Variants in MYO5A observed in about 807,000 individuals in gnomAD.
The protein encoded by MYO5A is unconventional myosin-Va.
A neutral mutation model predicts 249.7 loss-of-function variants in MYO5A; 98 were observed. The ratio of observed to expected loss-of-function variants is 0.39; its 90% CI spans 0.33 to 0.46. The LOEUF (loss-of-function observed/expected upper bound fraction) is 0.46, where lower values mean the gene tolerates loss of function less well. Ranked by LOEUF, MYO5A falls within the 20% of genes least tolerant of loss-of-function variation. The pLI is 0.98. For missense variants in MYO5A, 1,696 were observed against 2,308.8 expected (o/e 0.73, Z 5.44); for synonymous variants, 778 against 810.6 (o/e 0.96, Z 0.68).
chr15:52,406,475 T>C (rs960002033), intron 8 of MYO5A, among the ~76,000 whole-genome samples: 1 of 152,202 alleles, frequency 6.6e-6, no homozygotes, highest in Non-Finnish European at 1.5e-5. Flanking sequence ...AAATGCAGAT[T>C]ATGTTTCAGT....
At chr15:52,473,454 C>T (rs184560241) in intron 1 of MYO5A, among the ~76,000 whole-genome samples, 15 of 152,286 alleles carry the variant, frequency 9.8e-5, no homozygotes, top group African/African-American at 2.4e-4. Context: ...GTGTTTTAGA[C>T]GTGAAGTCCT....
chr15:52,340,509 C>A (rs2039327784), intron 31 of MYO5A, 115 bp from the exon 32 acceptor site: 1 of 874,434 alleles, frequency 1.1e-6, no homozygotes. Context: ...TCTTTAGTAT[C>A]TGTGTTATCT....
intron 9 of MYO5A, among the ~76,000 whole-genome samples, chr15:52,402,920 T>C (rs2042826711): frequency 6.6e-6 from 1 of 152,060 alleles, no homozygotes; most frequent in African/African-American, 2.4e-5. Context: ...CTACCCCAAA[T>C]AGTGAAATTG....
chr15:52,490,879 T>A (rs559846959), intron 1 of MYO5A, among the ~76,000 whole-genome samples: 1 of 152,086 alleles, frequency 6.6e-6, no homozygotes, highest in East Asian at 1.9e-4. Flanking sequence ...AGCCACCACA[T>A]CCAGCTAATT....
chr15:52,409,715 C>T (rs1198948328), intron 6 of MYO5A, among the ~76,000 whole-genome samples: 1 of 152,118 alleles, frequency 6.6e-6, no homozygotes, highest in Non-Finnish European at 1.5e-5. Context: ...GTGATAAACC[C>T]ATACCTATAA....
chr15:52,448,003 G>T (rs993871447), intron 1 of MYO5A, among the ~76,000 whole-genome samples: 3 of 152,216 alleles, frequency 2.0e-5, no homozygotes, highest in African/African-American at 7.2e-5. Context: ...AGGGAAATGT[G>T]GGGTTGGGGC....
intron 1 of MYO5A, among the ~76,000 whole-genome samples, chr15:52,442,701 G>C (rs1050236057): frequency 5.3e-5 from 8 of 151,956 alleles, no homozygotes; most frequent in Non-Finnish European, 1.2e-4. Context: ...GTCTACTCTA[G>C]GAGCCATACA....
intron 35 of MYO5A, among the ~76,000 whole-genome samples, chr15:52,329,930 T>G (rs1416755565): frequency 9.0e-6 from 1 of 110,760 alleles, no homozygotes; most frequent in Non-Finnish European, 1.8e-5. Context: ...TTTTTTTTTT[T>G]TGGAGAGATG....
chr15:52,431,448 T>C (rs2075534758), intron 2 of MYO5A, among the ~76,000 whole-genome samples: 1 of 151,924 alleles, frequency 6.6e-6, no homozygotes, highest in Non-Finnish European at 1.5e-5. Context: ...TATAGATGGT[T>C]GAGTATACAT....
At chr15:52,456,112 A>C (rs935893327) in intron 1 of MYO5A, among the ~76,000 whole-genome samples, 3 of 152,160 alleles carry the variant, frequency 2.0e-5, no homozygotes, top group African/African-American at 7.2e-5. Context: ...GAATCTAGTA[A>C]AATTGCAGGA....
intron 9 of MYO5A, among the ~76,000 whole-genome samples, chr15:52,404,851 G>C (rs1325204894): frequency 6.6e-6 from 1 of 152,134 alleles, no homozygotes; most frequent in Non-Finnish European, 1.5e-5. Flanking sequence ...AGTCATGAAG[G>C]CCCTTTCATG....
At chr15:52,322,198 C>G (rs1253097270) in intron 37 of MYO5A, among the ~76,000 whole-genome samples, 3 of 152,236 alleles carry the variant, frequency 2.0e-5, no homozygotes, top group Non-Finnish European at 4.4e-5. Context: ...GCCTCCTTAC[C>G]ACCTACTTAA....
chr15:52,442,573 C>A (rs865993419), intron 1 of MYO5A, among the ~76,000 whole-genome samples: 3 of 151,996 alleles, frequency 2.0e-5, no homozygotes, highest in African/African-American at 7.3e-5. Context: ...CCAGTAGAGG[C>A]CCAGGTATTT....
At chr15:52,372,471 AAAGTTGAATTGAC>A in intron 20 of MYO5A, 108 bp from the exon 21 acceptor site, 1 of 1,431,464 alleles carries the variant, frequency 7.0e-7, no homozygotes, top group Non-Finnish European at 9.5e-7. Flanking sequence ...AAAAGACATA[AAAGTTGAATTGAC>A]AATGTACTAT....
chr15:52,413,187 G>C (rs1161412903), intron 5 of MYO5A, among the ~76,000 whole-genome samples: 1 of 151,228 alleles, frequency 6.6e-6, no homozygotes, highest in Non-Finnish European at 1.5e-5. Context: ...TCCAGGCCTG[G>C]TAGAGTGGCT....
Position 52,370,076 on chromosome 15 carries a change from A to G in MYO5A, c.3066+93T>C, listed in dbSNP as rs1279878851. The G allele has an allele frequency of 3.9e-6, 6 of 1,533,428 alleles. No homozygotes were observed. In the Admixed American group the frequency reaches 6.7e-5, roughly 17 times the overall value. The allele number at this position is 1,533,428 out of a possible 1,614,324, so 95.0% of individuals were successfully genotyped here. ...AACTAAAATTTGTACTGCATTTCTA[A>G]TAAAACCAACAGTGAGTCACACGGA... On this transcript the variant is annotated intron_variant, in intron 22 of 41. Transcript: ENST00000399233.
chr15:52,320,840 C>G (rs983357621), intron 38 of MYO5A, among the ~76,000 whole-genome samples: 6 of 151,994 alleles, frequency 3.9e-5, no homozygotes, highest in Non-Finnish European at 8.8e-5. Context: ...GGTGAAACCC[C>G]GTCTCTACTA....
chr15:52,370,549 TACA>T (rs985211851), intron 21 of MYO5A, 132 bp from the exon 22 acceptor site: 3 of 931,452 alleles, frequency 3.2e-6, no homozygotes, highest in Admixed American at 2.1e-5. Context: ...ACCAAAATAC[TACA>T]ACATTTGCAA....
chr15:52,473,562 A>T (rs1301180039), intron 1 of MYO5A, among the ~76,000 whole-genome samples: 2 of 152,136 alleles, frequency 1.3e-5, no homozygotes, highest in Non-Finnish European at 2.9e-5. Flanking sequence ...ATCGTGAATT[A>T]ATTTTCGTAT....
Sources: gnomAD v4.1 joint callset for allele counts (sites outside exome capture counted in the v4.1 genomes callset) on GRCh38, gnomAD v4.1.1 for gene constraint, MANE v1.5 for transcripts, NCBI Gene and HGNC (gene_info 2026-07-23, HGNC 2026-07-21) for gene names.